The following GOLGA1 variants were observed in gnomAD, a reference collection of about 807,000 sequenced individuals.
GOLGA1 encodes golgin subfamily A member 1.
Under a neutral mutation model 119.7 loss-of-function variants are expected in GOLGA1, and 63 were observed. The ratio of observed to expected loss-of-function variants is 0.53; its 90% CI spans 0.43 to 0.65. GOLGA1 has a LOEUF of 0.65. Among genes scored for constraint, GOLGA1 ranks in the 30% least tolerant of loss-of-function variants. GOLGA1 has a pLI of 0.00. For missense variants in GOLGA1, 798 were observed against 912.8 expected (o/e 0.87, Z 1.62); for synonymous variants, 318 against 333.4 (o/e 0.95, Z 0.50).
chr9:124,882,740 T>A (rs1829620211), intron 19 of GOLGA1, among the ~76,000 whole-genome samples, 171 bp from the exon 20 acceptor site: 1 of 152,350 alleles, frequency 6.6e-6, no homozygotes, highest in South Asian at 2.1e-4. Context: ...CCTACGACTG[T>A]TGGGCTGTCA....
intron 11 of GOLGA1, among the ~76,000 whole-genome samples, chr9:124,910,695 G>C (rs181666669): frequency 4.3e-4 from 66 of 152,310 alleles, no homozygotes; most frequent in Non-Finnish European, 7.8e-4. Flanking sequence ...ACAGCAGGAG[G>C]TGAGTGGTGA....
chr9:124,904,888 G>A, intron 12 of GOLGA1, among the ~76,000 whole-genome samples: 1 of 148,330 alleles, frequency 6.7e-6, no homozygotes, highest in Non-Finnish European at 1.5e-5. Flanking sequence ...AGAGAGCAGT[G>A]AGCCAAGATT....
chr9:124,896,248 T>C (rs1429522057), intron 15 of GOLGA1, among the ~76,000 whole-genome samples: 4 of 152,064 alleles, frequency 2.6e-5, no homozygotes, highest in Non-Finnish European at 5.9e-5. Flanking sequence ...ACCCTGTCTC[T>C]ACCAAAAATA....
At chr9:124,938,951 C>A in intron 2 of GOLGA1, 85 bp from the exon 3 acceptor site, 1 of 413,672 alleles carries the variant, frequency 2.4e-6, no homozygotes, top group East Asian at 4.3e-5. Flanking sequence ...GATTTCAAAA[C>A]TAAGTTTCAT....
intron 12 of GOLGA1, among the ~76,000 whole-genome samples, chr9:124,901,436 AT>A (rs35235029): frequency 1.4e-3 from 179 of 131,322 alleles, no homozygotes; most frequent in Admixed American, 1.8e-3. Flanking sequence ...ACGCCCAGCT[AT>A]TTTTTTTTTT....
intron 4 of GOLGA1, 150 bp downstream of exon 4, chr9:124,931,166 A>G: frequency 1.9e-6 from 1 of 537,642 alleles, no homozygotes; most frequent in East Asian, 3.1e-5. Flanking sequence ...CTACACTAAC[A>G]AAAGAAGAGG....
intron 11 of GOLGA1, among the ~76,000 whole-genome samples, chr9:124,910,764 A>T (rs1008563862): frequency 3.9e-5 from 6 of 152,168 alleles, no homozygotes; most frequent in Non-Finnish European, 2.9e-5. Flanking sequence ...TTAGATTTTC[A>T]TAGGAGCATG....
chr9:124,886,276 A>G (rs1406809848), intron 19 of GOLGA1, among the ~76,000 whole-genome samples: 1 of 152,110 alleles, frequency 6.6e-6, no homozygotes, highest in Non-Finnish European at 1.5e-5. Flanking sequence ...TGCAGAGAAG[A>G]GCTGTGAGGG....
chr9:124,920,855 G>GAAAAAAAAAAAAAAAAAAA (rs58458904), intron 10 of GOLGA1, among the ~76,000 whole-genome samples: 1 of 110,906 alleles, frequency 9.0e-6, no homozygotes, highest in Non-Finnish European at 1.8e-5. Context: ...CAAAAAAAAA[G>GAAAAAAAAAAAAAAAAAAA]AAAAAAAAAA....
intron 13 of GOLGA1, 63 bp downstream of exon 13, chr9:124,900,389 C>T (rs1394702971): frequency 1.2e-6 from 1 of 861,082 alleles, no homozygotes; most frequent in Admixed American, 1.8e-5. Flanking sequence ...TTTGGAGCAT[C>T]TGCAAAGGCC....
chr9:124,908,435 T>C lies in GOLGA1; in HGVS notation c.1007A>G (p.Gln336Arg). Reference protein sequence around the residue: ...LAEQNLEDTRQQLLAARSSQA... With the variant: ...LAEQNLEDTRRQLLAARSSQA... ...GCTGCTTCTGGCTGCCAAGAGCTGT[T>C]GTCTGGTATCCTCCAAATTCTGCTC... is the stretch of plus-strand genomic sequence containing the variant. The change falls in exon 12 of 23, where the codon CAA becomes CGA. Residue 336 changes from glutamine to arginine, a missense_variant. Gln to Arg is a conservative substitution (Grantham distance 43). Coordinates refer to ENST00000373555, the MANE Select transcript of GOLGA1 (RefSeq NM_002077.4). 1 of 1,611,138 alleles carries C rather than the reference T, an allele frequency of 6.2e-7. No homozygotes were observed. Among genetic ancestry groups the C allele is most frequent in the Non-Finnish European group, 8.5e-7 (1 of 1,177,214 alleles).
intron 10 of GOLGA1, among the ~76,000 whole-genome samples, chr9:124,917,046 A>G (rs1453234197): frequency 6.6e-6 from 1 of 152,140 alleles, no homozygotes; most frequent in African/African-American, 2.4e-5. Context: ...GAGCACAAAA[A>G]GTAAGTTTAG....
At chr9:124,926,656 A>G (rs899437553) in intron 7 of GOLGA1, 53 bp downstream of exon 7, 2 of 1,164,108 alleles carry the variant, frequency 1.7e-6, no homozygotes, top group Admixed American at 1.7e-5. Flanking sequence ...AACGTTTTCC[A>G]TACCCCAGAG....
chr9:124,912,595 T>C (rs1830362116), intron 10 of GOLGA1, among the ~76,000 whole-genome samples: 1 of 152,156 alleles, frequency 6.6e-6, no homozygotes, highest in South Asian at 2.1e-4. Flanking sequence ...TTGGCTGGAG[T>C]ACAGTGGCGC....
At chr9:124,901,883 C>G (rs1331733207) in intron 12 of GOLGA1, among the ~76,000 whole-genome samples, 1 of 152,162 alleles carries the variant, frequency 6.6e-6, no homozygotes, top group Non-Finnish European at 1.5e-5. Flanking sequence ...TTTACTCATT[C>G]CACAAATACT....
intron 15 of GOLGA1, among the ~76,000 whole-genome samples, chr9:124,894,380 T>TTGTGTGTG (rs35289660): frequency 6.8e-6 from 1 of 147,722 alleles, no homozygotes; most frequent in African/African-American, 2.5e-5. Context: ...ATTTAAAGTT[T>TTGTGTGTG]TGTGTGTGTG....
chr9:124,883,910 G>C (rs1241116733), intron 19 of GOLGA1, among the ~76,000 whole-genome samples: 1 of 151,662 alleles, frequency 6.6e-6, no homozygotes, highest in East Asian at 1.9e-4. Flanking sequence ...TGTTTAAATA[G>C]TATTATGAGC....
chr9:124,892,119 T>A (rs1268531527), intron 15 of GOLGA1, among the ~76,000 whole-genome samples: 3 of 152,182 alleles, frequency 2.0e-5, no homozygotes, highest in African/African-American at 7.2e-5. Flanking sequence ...TATGCCCAGC[T>A]AATTTTTGTA....
In GOLGA1 at chr9:124,889,249, A is replaced by G. The variant is rs1020362353; in HGVS notation, c.1655T>C (p.Leu552Pro). ...IHQLQAELEALRTLKAEEAAV... is the reference protein window; with the variant it reads ...IHQLQAELEAPRTLKAEEAAV... ...AGCCTCCTCCGCCTTGAGGGTCCTC[A>G]GGGCCTCCAGCTCGGCCTGCAGCTG... The change falls in exon 18 of 23, where the codon CTG (leucine) becomes CCG (proline). Residue 552 changes from leucine to proline, a missense_variant. Physicochemically the swap from Leu to Pro is moderately conservative, Grantham distance 98. Coordinates refer to ENST00000373555, the MANE Select transcript of GOLGA1 (RefSeq NM_002077.4). 7 of 1,613,720 alleles carry G rather than the reference A, an allele frequency of 4.3e-6. No individual in the cohort carries two copies. The highest frequency in any genetic ancestry group is 5.9e-6 in the Non-Finnish European group (7 of 1,179,952).
Sources: gnomAD v4.1 joint callset for allele counts (sites outside exome capture counted in the v4.1 genomes callset) on GRCh38, gnomAD v4.1.1 for gene constraint, MANE v1.5 for transcripts, NCBI Gene and HGNC (gene_info 2026-07-23, HGNC 2026-07-21) for gene names.